Variants in CERS6 observed in about 807,000 individuals in gnomAD.
The protein encoded by CERS6 is ceramide synthase 6.
In CERS6, 26 loss-of-function variants were observed where a neutral mutation model predicts 56.8. The observed-to-expected ratio is 0.46, with a 90% confidence interval of 0.34 to 0.63. CERS6 has a LOEUF of 0.63. Among genes scored for constraint, CERS6 ranks in the 30% least tolerant of loss-of-function variants. The pLI is 0.01. For missense variants in CERS6, 415 were observed against 467.5 expected, an observed-to-expected ratio of 0.89 and a Z score of 1.04; for synonymous variants, 164 against 173.3, an observed-to-expected ratio of 0.95 and a Z score of 0.42.
intron 3 of CERS6, among the ~76,000 whole-genome samples, chr2:168,595,524 C>T (rs1683777441): frequency 6.6e-6 from 1 of 152,042 alleles, no homozygotes; most frequent in African/African-American, 2.4e-5. Flanking sequence ...TTTTTTAATC[C>T]TGAATCTCCT....
rs566638438 is a variant in CERS6 at position 168,668,092 on chromosome 2, G to A, written c.466-22942G>A. On this transcript the variant is annotated intron_variant, in intron 4 of 9. Transcript: ENST00000305747. ...GGAGCCCGGGCTTTATTGAGTAATTGGTGTGGAATCAACAGATGTTTTTCA... is the reference window on the plus strand; with the variant it reads ...GGAGCCCGGGCTTTATTGAGTAATTAGTGTGGAATCAACAGATGTTTTTCA... Among the ~76,000 whole-genome samples the A allele has an allele frequency of 2.0e-5, 3 of 152,204 alleles. No individual in the cohort carries two copies. In the East Asian group the frequency reaches 5.8e-4, roughly 29 times the overall value.
At chr2:168,555,657 A>G (rs1400890267) in intron 2 of CERS6, among the ~76,000 whole-genome samples, 1 of 151,906 alleles carries the variant, frequency 6.6e-6, no homozygotes, top group East Asian at 1.9e-4. Context: ...GAAAATTAAG[A>G]GAGTGGGGCA....
chr2:168,528,437 G>A (rs1306663112), intron 1 of CERS6, among the ~76,000 whole-genome samples: 1 of 151,922 alleles, frequency 6.6e-6, no homozygotes, highest in African/African-American at 2.4e-5. Flanking sequence ...GACATCTCAG[G>A]GTTTCCTTTG....
chr2:168,518,309 A>G lies in CERS6; in HGVS notation c.171-29287A>G, dbSNP rs529939206. ...ACTTTTTTATTCCTCTCTTAACAGT[A>G]GCATAGGCTCAGTGTCTTCTGAAAT... On this transcript the variant is annotated intron_variant, in intron 1 of 9. Transcript: ENST00000305747. Among the ~76,000 whole-genome samples the G allele has an allele frequency of 8.5e-5, 13 of 152,346 alleles. No homozygotes were observed. In the South Asian group the frequency reaches 2.7e-3, roughly 32 times the overall value.
intron 1 of CERS6, among the ~76,000 whole-genome samples, chr2:168,468,920 A>C (rs1164892324): frequency 2.6e-5 from 4 of 152,134 alleles, no homozygotes; most frequent in Non-Finnish European, 4.4e-5. Flanking sequence ...GGTGTACATT[A>C]ATATTTAGAC....
At chr2:168,606,289 C>A (rs1199835435) in intron 3 of CERS6, 1 of 152,220 alleles carries the variant, frequency 6.6e-6, no homozygotes, top group Non-Finnish European at 1.5e-5. Flanking sequence ...TATCCCCTTT[C>A]TTTTGGCTAA....
intron 6 of CERS6, among the ~76,000 whole-genome samples, chr2:168,708,402 G>A (rs570768079): frequency 1.8e-4 from 27 of 152,270 alleles, no homozygotes; most frequent in African/African-American, 6.5e-4. Context: ...ATGTTACTCT[G>A]TAAGAAGTCA....
intron 8 of CERS6, among the ~76,000 whole-genome samples, chr2:168,746,775 GTA>G (rs71003053): frequency 0.021 from 834 of 38,814 alleles, 5 homozygotes; most frequent in Non-Finnish European, 0.024. Flanking sequence ...AGGGTAAAGG[GTA>G]TATATATATA....
At position 168,501,401 on chromosome 2, in the gene CERS6, G is replaced by A. The variant is rs191228254; in HGVS notation, c.170+44783G>A. The stretch of plus-strand genomic sequence containing the variant: ...ATACATAGTCAATAGGTTGGAGGTC[G>A]TGATGCTGCAGTTTTTGGCCTGAAT... On this transcript the variant is annotated intron_variant, in intron 1 of 9. Transcript: ENST00000305747. Among the ~76,000 whole-genome samples, 7 of 152,334 alleles carry A rather than the reference G, an allele frequency of 4.6e-5. 1 individual carries two copies. Among genetic ancestry groups the A allele is most frequent in the East Asian group, 3.9e-4 (2 of 5,182 alleles).
chr2:168,496,405 G>A (rs1409820761), intron 1 of CERS6, among the ~76,000 whole-genome samples: 1 of 152,006 alleles, frequency 6.6e-6, no homozygotes, highest in African/African-American at 2.4e-5. Flanking sequence ...TTGAGCTAGA[G>A]TAGAGATTGC....
At chr2:168,493,169 T>C (rs1694403983) in intron 1 of CERS6, among the ~76,000 whole-genome samples, 1 of 152,212 alleles carries the variant, frequency 6.6e-6, no homozygotes, top group African/African-American at 2.4e-5. Flanking sequence ...TTTGGTTGCA[T>C]TCCATTTTCC....
intron 8 of CERS6, among the ~76,000 whole-genome samples, chr2:168,737,271 T>G (rs151088249): frequency 3.7e-4 from 57 of 152,292 alleles, no homozygotes; most frequent in Non-Finnish European, 7.1e-4. Flanking sequence ...ACTGATTCAA[T>G]TAAGTGCCTC....
intron 3 of CERS6, among the ~76,000 whole-genome samples, chr2:168,579,640 C>T (rs1041174073): frequency 1.1e-4 from 16 of 152,136 alleles, no homozygotes; most frequent in African/African-American, 3.9e-4. Flanking sequence ...CTCATCACCC[C>T]AACCCTTGCC....
At chr2:168,658,092 C>T (rs573690615) in intron 4 of CERS6, among the ~76,000 whole-genome samples, 41 of 152,282 alleles carry the variant, frequency 2.7e-4, no homozygotes, top group Admixed American at 7.2e-4. Flanking sequence ...AGATGTGTGA[C>T]GTGTTGCAAA....
At chr2:168,734,903 C>G (rs978939549) in intron 8 of CERS6, among the ~76,000 whole-genome samples, 7 of 152,126 alleles carry the variant, frequency 4.6e-5, no homozygotes, top group Admixed American at 2.6e-4. Context: ...TTATTGTTGA[C>G]TTAAAAAAAC....
chr2:168,614,236 A>G (rs886793049), intron 3 of CERS6, among the ~76,000 whole-genome samples: 4 of 152,222 alleles, frequency 2.6e-5, no homozygotes, highest in Admixed American at 2.6e-4. Flanking sequence ...ACTTTCATAC[A>G]TATGTGCATA....
intron 3 of CERS6, among the ~76,000 whole-genome samples, chr2:168,600,576 T>G (rs1266543981): frequency 6.6e-6 from 1 of 152,158 alleles, no homozygotes; most frequent in Non-Finnish European, 1.5e-5. Flanking sequence ...TTTTCATATA[T>G]CCCCTTAACC....
chr2:168,663,785 A>T (rs1356002153), intron 4 of CERS6, among the ~76,000 whole-genome samples: 1 of 151,998 alleles, frequency 6.6e-6, no homozygotes, highest in African/African-American at 2.4e-5. Context: ...AAAAATCTCT[A>T]AATTTTTCTT....
intron 5 of CERS6, among the ~76,000 whole-genome samples, chr2:168,692,057 G>A (rs935519134): frequency 6.6e-6 from 1 of 152,146 alleles, no homozygotes; most frequent in African/African-American, 2.4e-5. Context: ...CTAGTTCAAC[G>A]TTAAGGACAC....
Sources: allele counts gnomAD v4.1 joint callset (sites outside exome capture counted in the v4.1 genomes callset), GRCh38; gene constraint gnomAD v4.1.1; transcripts MANE v1.5; gene names NCBI Gene and HGNC (gene_info 2026-07-23, HGNC 2026-07-21).